Variants in CSNK1G3 observed in about 807,000 individuals in gnomAD.
CSNK1G3 encodes the protein casein kinase 1 gamma 3, also known as casein kinase I isoform gamma-3.
In CSNK1G3, 23 loss-of-function variants were observed where a neutral mutation model predicts 64.3. The observed-to-expected ratio is 0.36, with a 90% CI of 0.26 to 0.51. The LOEUF is 0.51. Ranked by LOEUF, CSNK1G3 falls within the 20% of genes least tolerant of loss-of-function variation. The pLI is 0.96. For missense variants in CSNK1G3, 357 were observed against 510.5 expected (o/e 0.70, Z 2.90); for synonymous variants, 158 against 162.2 (o/e 0.97, Z 0.20).
At chr5:123,579,121 C>T (rs1311848914) in intron 6 of CSNK1G3, among the ~76,000 whole-genome samples, 1 of 151,768 alleles carries the variant, frequency 6.6e-6, no homozygotes, top group Non-Finnish European at 1.5e-5. Context: ...TTAGCTTTTC[C>T]TCTAAACATT....
chr5:123,595,255 C>A, intron 10 of CSNK1G3, 121 bp downstream of exon 11: 1 of 858,326 alleles, frequency 1.2e-6, no homozygotes. Context: ...CTACTCTATC[C>A]ATAATTCTAT....
At chr5:123,590,872 G>C (rs943248942) in intron 9 of CSNK1G3, among the ~76,000 whole-genome samples, 5 of 151,900 alleles carry the variant, frequency 3.3e-5, no homozygotes, top group African/African-American at 1.2e-4. Context: ...ATCCCTTGAT[G>C]AAAATTAAAA....
At chr5:123,573,306 T>C in intron 4 of CSNK1G3, 87 bp from the exon 5 acceptor site, 1 of 1,405,212 alleles carries the variant, frequency 7.1e-7, no homozygotes, top group Non-Finnish European at 1.0e-6. Context: ...TTCTTGAAAC[T>C]ATAAAATTTT....
At chr5:123,535,906 T>C (rs1780716732) in intron 1 of CSNK1G3, among the ~76,000 whole-genome samples, 1 of 152,150 alleles carries the variant, frequency 6.6e-6, no homozygotes, top group Non-Finnish European at 1.5e-5. Flanking sequence ...GGATCCTCTT[T>C]TGAGGAAGGG....
intron 5 of CSNK1G3, among the ~76,000 whole-genome samples, chr5:123,574,787 G>A (rs1788842334): frequency 6.6e-6 from 1 of 152,174 alleles, no homozygotes; most frequent in Non-Finnish European, 1.5e-5. Flanking sequence ...AATGAGCTAT[G>A]CGTTCCATCC....
chr5:123,535,069 T>C (rs1385248911), intron 1 of CSNK1G3, among the ~76,000 whole-genome samples: 1 of 152,106 alleles, frequency 6.6e-6, no homozygotes, highest in East Asian at 1.9e-4. Flanking sequence ...ATAAGTACGA[T>C]GTAGCGGTAG....
intron 8 of CSNK1G3, among the ~76,000 whole-genome samples, chr5:123,588,920 G>A (rs931515661): frequency 6.6e-6 from 1 of 152,098 alleles, no homozygotes; most frequent in Non-Finnish European, 1.5e-5. Flanking sequence ...AATTAAGTAA[G>A]GCCAGTAAAA....
At chr5:123,533,146 T>C (rs570361676) in intron 1 of CSNK1G3, among the ~76,000 whole-genome samples, 1 of 152,072 alleles carries the variant, frequency 6.6e-6, no homozygotes, top group South Asian at 2.1e-4. Flanking sequence ...TCTCTATTTC[T>C]TGTTTTAGTA....
intron 1 of CSNK1G3, among the ~76,000 whole-genome samples, chr5:123,518,046 C>T (rs1327684998): frequency 6.6e-6 from 1 of 152,002 alleles, no homozygotes; most frequent in East Asian, 1.9e-4. Context: ...CCAGTATGGT[C>T]CCTAATCTGA....
intron 12 of CSNK1G3, among the ~76,000 whole-genome samples, chr5:123,607,623 A>G (rs1243005518): frequency 6.6e-6 from 1 of 152,176 alleles, no homozygotes; most frequent in Non-Finnish European, 1.5e-5. Flanking sequence ...TTATGGAGTG[A>G]TGGAAATGTT....
At chr5:123,544,351 G>A (rs545681076) in intron 1 of CSNK1G3, among the ~76,000 whole-genome samples, 2 of 151,950 alleles carry the variant, frequency 1.3e-5, no homozygotes, top group East Asian at 1.9e-4. Flanking sequence ...CTACACCACC[G>A]GCCCCAGTTA....
At chr5:123,604,761 A>G in exon 11 of CSNK1G3, 1 of 1,611,798 alleles carries the variant, frequency 6.2e-7, no homozygotes, top group Non-Finnish European at 8.5e-7. Flanking sequence ...AACACAGATG[A>G]CCCCACCGCA....
intron 1 of CSNK1G3, among the ~76,000 whole-genome samples, chr5:123,532,202 C>T (rs917048448): frequency 1.3e-5 from 2 of 151,812 alleles, no homozygotes; most frequent in Non-Finnish European, 3.0e-5. Flanking sequence ...TTTTGCCTGA[C>T]TACTATAAAG....
intron 1 of CSNK1G3, among the ~76,000 whole-genome samples, chr5:123,518,031 A>G (rs930803839): frequency 6.6e-6 from 1 of 151,916 alleles, no homozygotes; most frequent in East Asian, 1.9e-4. Context: ...GTTCTCACAT[A>G]TTTCCCAGTA....
chr5:123,597,349 T>C (rs182658082), intron 10 of CSNK1G3, among the ~76,000 whole-genome samples: 1 of 152,258 alleles, frequency 6.6e-6, no homozygotes, highest in East Asian at 1.9e-4. Context: ...ATAGTTTTTT[T>C]AGGAGAGACA....
chr5:123,556,769 TGTGTG>T (rs1415266796), intron 3 of CSNK1G3, among the ~76,000 whole-genome samples: 3 of 60,340 alleles, frequency 5.0e-5, no homozygotes, highest in African/African-American at 2.5e-4. Context: ...CATGTTTGTG[TGTGTG>T]TGTGTGTGTG....
chr5:123,593,229 A>ACACT (rs1792767208), intron 10 of CSNK1G3, among the ~76,000 whole-genome samples: 1 of 151,112 alleles, frequency 6.6e-6, no homozygotes, highest in Non-Finnish European at 1.5e-5. Flanking sequence ...ACACACACAC[A>ACACT]TATATATAAT....
chr5:123,603,596 AT>A (rs1297523165), intron 10 of CSNK1G3, among the ~76,000 whole-genome samples: 1 of 152,146 alleles, frequency 6.6e-6, no homozygotes, highest in African/African-American at 2.4e-5. Flanking sequence ...TGTACAAATA[AT>A]TTAAAATAGG....
intron 10 of CSNK1G3, among the ~76,000 whole-genome samples, chr5:123,593,594 C>T (rs539918025): frequency 6.6e-6 from 1 of 152,132 alleles, no homozygotes; most frequent in East Asian, 1.9e-4. Context: ...ATGTTTGTCT[C>T]AATTTTAGCA....
Sources: allele counts gnomAD v4.1 joint callset (sites outside exome capture counted in the v4.1 genomes callset), GRCh38; gene constraint gnomAD v4.1.1; transcripts MANE v1.5; gene names NCBI Gene and HGNC (gene_info 2026-07-23, HGNC 2026-07-21).